Variants in ASTN1 observed in about 807,000 individuals in gnomAD.
ASTN1 encodes the protein astrotactin-1.
In ASTN1, 41 loss-of-function variants were observed where a neutral mutation model predicts 140.7. The observed-to-expected ratio is 0.29, with a 90% confidence interval of 0.23 to 0.38. The LOEUF (loss-of-function observed/expected upper bound fraction) is 0.38, where lower values mean the gene tolerates loss of function less well. Among genes scored for constraint, ASTN1 ranks in the 10% least tolerant of loss-of-function variants. The pLI is 1.00. For missense variants in ASTN1, 1,479 were observed against 1,678.8 expected (o/e 0.88, Z 2.08); for synonymous variants, 640 against 652.2 (o/e 0.98, Z 0.29).
At chr1:177,145,783 T>C (rs1239718007) in intron 1 of ASTN1, among the ~76,000 whole-genome samples, 4 of 152,206 alleles carry the variant, frequency 2.6e-5, no homozygotes, top group Non-Finnish European at 4.4e-5. Context: ...TGTGGGAATG[T>C]TGTAATAGAG....
At chr1:177,017,253 A>G (rs1341611514) in intron 7 of ASTN1, among the ~76,000 whole-genome samples, 2 of 152,248 alleles carry the variant, frequency 1.3e-5, no homozygotes, top group African/African-American at 2.4e-5. Flanking sequence ...TTTCCTCCAC[A>G]TAATGGCAGA....
intron 3 of ASTN1, among the ~76,000 whole-genome samples, chr1:177,032,060 C>G (rs184488104): frequency 1.3e-5 from 2 of 152,164 alleles, no homozygotes; most frequent in African/African-American, 4.8e-5. Context: ...CTGTCCCCTC[C>G]GCTTCAATGG....
intron 1 of ASTN1, among the ~76,000 whole-genome samples, chr1:177,084,932 G>T (rs1422411307): frequency 6.6e-6 from 1 of 152,034 alleles, no homozygotes; most frequent in African/African-American, 2.4e-5. Context: ...ACAATGTAGG[G>T]TGTGAAAAGA....
chr1:176,860,774 C>T (rs1667934963), downstream of ASTN1, among the ~76,000 whole-genome samples: 1 of 152,166 alleles, frequency 6.6e-6, no homozygotes, highest in South Asian at 2.1e-4. Context: ...AAGCCTGTAC[C>T]CTCTGCATCA....
chr1:176,964,943 G>T (rs1270314248), intron 9 of ASTN1, among the ~76,000 whole-genome samples: 1 of 152,094 alleles, frequency 6.6e-6, no homozygotes, highest in East Asian at 1.9e-4. Context: ...CCCAGAGCTG[G>T]CAAAGAAGGA....
chr1:177,020,676 T>C (rs1460200334), intron 7 of ASTN1, among the ~76,000 whole-genome samples: 2 of 152,216 alleles, frequency 1.3e-5, no homozygotes, highest in Admixed American at 6.5e-5. Flanking sequence ...GTCCTGGAGA[T>C]GAGAATGTGG....
intron 8 of ASTN1, among the ~76,000 whole-genome samples, chr1:176,990,201 G>A (rs1674092322): frequency 8.8e-6 from 1 of 113,748 alleles, no homozygotes; most frequent in Admixed American, 1.4e-4. Flanking sequence ...CTCAACTGAT[G>A]TTCACAGCCC....
chr1:177,065,656 G>A (rs1029669781), intron 1 of ASTN1, among the ~76,000 whole-genome samples: 1 of 152,184 alleles, frequency 6.6e-6, no homozygotes, highest in African/African-American at 2.4e-5. Context: ...AACCACAGGA[G>A]GTCTTGTTAA....
chr1:176,927,368 C>T (rs1306692396), intron 16 of ASTN1, among the ~76,000 whole-genome samples: 1 of 151,794 alleles, frequency 6.6e-6, no homozygotes, highest in Non-Finnish European at 1.5e-5. Context: ...TGGCAAAGGT[C>T]AGATCTAAAG....
chr1:177,147,413 C>CTA (rs1682768739), intron 1 of ASTN1, among the ~76,000 whole-genome samples: 1 of 152,064 alleles, frequency 6.6e-6, no homozygotes, highest in Non-Finnish European at 1.5e-5. Flanking sequence ...AACTGTCTGC[C>CTA]TTTAAGGAGC....
rs143732093 is a variant in ASTN1, at chr1:176,959,322, C to A, written c.1599-840G>T. ...AGGCTGTGGCAGTCTGGCATCCCCT[C>A]CCCACTTAATGTGCAGGGAGGAACA... On this transcript the variant is annotated intron_variant, in intron 9 of 22. Transcript: ENST00000361833. 3.3e-3 allele frequency among the ~76,000 whole-genome samples: 504 copies of A among 152,244 alleles called. 3 individuals carry two copies. Among genetic ancestry groups the A allele is most frequent in the African/African-American group, 8.2e-3 (342 of 41,544 alleles).
intron 21 of ASTN1, among the ~76,000 whole-genome samples, chr1:176,873,726 C>T (rs1490336174): frequency 6.6e-6 from 1 of 152,142 alleles, no homozygotes; most frequent in Non-Finnish European, 1.5e-5. Context: ...GGACACCTTC[C>T]TGGCTGAAGG....
chr1:177,080,306 C>T (rs942370679), intron 1 of ASTN1, among the ~76,000 whole-genome samples: 1 of 137,178 alleles, frequency 7.3e-6, no homozygotes, highest in Non-Finnish European at 1.6e-5. Context: ...TCAACTAAGA[C>T]TTTGTTTAAA....
chr1:177,082,225 C>A (rs1167775958), intron 1 of ASTN1, among the ~76,000 whole-genome samples: 1 of 152,072 alleles, frequency 6.6e-6, no homozygotes, highest in Non-Finnish European at 1.5e-5. Flanking sequence ...GACGAATCTA[C>A]CTATGAGTGT....
intron 8 of ASTN1, among the ~76,000 whole-genome samples, chr1:176,981,029 T>C (rs1673588361): frequency 6.6e-6 from 1 of 151,620 alleles, no homozygotes; most frequent in African/African-American, 2.4e-5. Context: ...CTGGCCAACA[T>C]GGTGAAACCC....
chr1:177,070,826 T>C (rs893513193), intron 1 of ASTN1, among the ~76,000 whole-genome samples: 4 of 152,258 alleles, frequency 2.6e-5, no homozygotes, highest in East Asian at 3.9e-4. Flanking sequence ...TTTTTCACTA[T>C]CTCAACGTTC....
intron 8 of ASTN1, among the ~76,000 whole-genome samples, chr1:176,982,461 A>G (rs188572427): frequency 7.6e-4 from 116 of 152,286 alleles, no homozygotes; most frequent in Non-Finnish European, 1.3e-3. Context: ...TCTGGGCCCC[A>G]CCTCAAGAAT....
At chr1:177,135,208 T>C (rs2102211275) in intron 1 of ASTN1, among the ~76,000 whole-genome samples, 1 of 152,202 alleles carries the variant, frequency 6.6e-6, no homozygotes, top group South Asian at 2.1e-4. Context: ...GTAGTGGCCC[T>C]GAACCAGCTC....
At chr1:176,982,878 A>G (rs1673689264) in intron 8 of ASTN1, among the ~76,000 whole-genome samples, 1 of 152,236 alleles carries the variant, frequency 6.6e-6, no homozygotes, top group South Asian at 2.1e-4. Context: ...AGGGACAATT[A>G]TATGTCTGCA....
Sources: allele counts gnomAD v4.1 joint callset (sites outside exome capture counted in the v4.1 genomes callset), GRCh38; gene constraint gnomAD v4.1.1; transcripts MANE v1.5; gene names NCBI Gene and HGNC (gene_info 2026-07-23, HGNC 2026-07-21).